Variants in SGCZ observed in about 807,000 individuals in gnomAD.
The protein encoded by SGCZ is zeta-sarcoglycan.
SGCZ carries 40 observed loss-of-function variants against 41.3 expected under a neutral mutation model. The ratio of observed to expected loss-of-function variants is 0.97; its 90% CI spans 0.75 to 1.26. SGCZ has a LOEUF of 1.26. Ranked by LOEUF, SGCZ falls within the 50% of genes most tolerant of loss-of-function variation. SGCZ has a pLI of 0.00. For missense variants in SGCZ, 552 were observed against 369.8 expected (o/e 1.49, Z -4.04); for synonymous variants, 206 against 137.5 (o/e 1.50, Z -3.49).
intron 1 of SGCZ, among the ~76,000 whole-genome samples, chr8:14,971,427 C>A (rs1211684032): frequency 6.6e-6 from 1 of 151,990 alleles, no homozygotes; most frequent in Non-Finnish European, 1.5e-5. Flanking sequence ...TGTTCTCTAT[C>A]ATTTTGAGAA....
In SGCZ at chr8:14,701,761, T is replaced by A. The variant is rs569372016; in HGVS notation, c.40-146835A>T. On this transcript the variant is annotated intron_variant, in intron 1 of 7. Transcript: ENST00000382080. The stretch of plus-strand genomic sequence containing the variant: ...TCAGGTCTGCCACCTCCTGACCTCT[T>A]ACCAAACCCCCTGCCTCCTTCCTAC... Among the ~76,000 whole-genome samples, 126 of 151,964 alleles carry A rather than the reference T, an allele frequency of 8.3e-4. 1 individual carries two copies. Among genetic ancestry groups the A allele is most frequent in the African/African-American group, 2.9e-3 (121 of 41,490 alleles).
At chr8:14,133,716 T>C (rs1803111053) in intron 5 of SGCZ, among the ~76,000 whole-genome samples, 1 of 152,256 alleles carries the variant, frequency 6.6e-6, no homozygotes, top group Non-Finnish European at 1.5e-5. Context: ...ACTCTTTTTC[T>C]GAGTTTTGAC....
rs17609493 is a variant in SGCZ at position 15,142,104 on chromosome 8, G to A, written c.39+95481C>T. On this transcript the variant is annotated intron_variant, in intron 1 of 7. Transcript: ENST00000382080. ...AGAGGACCTTGATGCTGAAGTTGGA[G>A]TTGAGCATCCCACTGAAATGGACAT... Among the ~76,000 whole-genome samples, 1,309 of 152,256 alleles carry A rather than the reference G, an allele frequency of 8.6e-3. 71 individuals are homozygous for A. The East Asian group carries it at 0.15, about 17-fold the overall frequency.
chr8:14,774,160 A>C (rs1800331790), intron 1 of SGCZ, among the ~76,000 whole-genome samples: 1 of 152,174 alleles, frequency 6.6e-6, no homozygotes, highest in African/African-American at 2.4e-5. Context: ...AATTAGTCTA[A>C]GGCTTGAATA....
At chr8:14,506,596 C>A (rs925457063) in intron 2 of SGCZ, among the ~76,000 whole-genome samples, 4 of 152,144 alleles carry the variant, frequency 2.6e-5, no homozygotes, top group Non-Finnish European at 2.9e-5. Flanking sequence ...AAAACCTTGA[C>A]AAAATTTTCT....
At chr8:14,866,742 C>T (rs2098514328) in intron 1 of SGCZ, among the ~76,000 whole-genome samples, 1 of 151,964 alleles carries the variant, frequency 6.6e-6, no homozygotes, top group South Asian at 2.1e-4. Context: ...ACCCAGAAGA[C>T]TTGATCTCAC....
chr8:14,457,828 T>C (rs976850866), intron 2 of SGCZ, among the ~76,000 whole-genome samples: 5 of 152,172 alleles, frequency 3.3e-5, no homozygotes, highest in Non-Finnish European at 7.3e-5. Context: ...CCTTCTGCCT[T>C]GTATCCAATA....
At chr8:14,232,206 CAAATG>C (rs1806597393) in intron 4 of SGCZ, among the ~76,000 whole-genome samples, 1 of 151,720 alleles carries the variant, frequency 6.6e-6, no homozygotes, top group Non-Finnish European at 1.5e-5. Flanking sequence ...CTGAGAAGTG[CAAATG>C]AACAATCTTG....
In SGCZ at chr8:14,629,669, G is replaced by A. The variant is rs184081513; in HGVS notation, c.40-74743C>T. Among the ~76,000 whole-genome samples the A allele has an allele frequency of 3.4e-3, 510 of 152,226 alleles. 4 individuals are homozygous for A. Among genetic ancestry groups the A allele is most frequent in the South Asian group, 5.8e-3 (28 of 4,820 alleles). ...ACATCCATGGTATTTGTCCAAAGGT[G>A]AATCCTTGTCTATGGAATGCTTTCA... is the stretch of plus-strand genomic sequence containing the variant. On this transcript the variant is annotated intron_variant, in intron 1 of 7. Coordinates refer to ENST00000382080, the MANE Select transcript of SGCZ (RefSeq NM_139167.4).
At chr8:14,122,059 C>T (rs1482212147) in intron 5 of SGCZ, among the ~76,000 whole-genome samples, 1 of 151,976 alleles carries the variant, frequency 6.6e-6, no homozygotes, top group Admixed American at 6.6e-5. Context: ...CGGGCAGATC[C>T]CAAGGTCAGG....
At chr8:14,581,412 C>T (rs186710738) in intron 1 of SGCZ, among the ~76,000 whole-genome samples, 51 of 152,132 alleles carry the variant, frequency 3.4e-4, no homozygotes, top group African/African-American at 1.1e-3. Flanking sequence ...CTGCGCCCGG[C>T]CTTTGCTTAC....
intron 4 of SGCZ, among the ~76,000 whole-genome samples, chr8:14,231,638 C>G (rs1806575922): frequency 6.6e-6 from 1 of 152,012 alleles, no homozygotes; most frequent in Non-Finnish European, 1.5e-5. Flanking sequence ...ACATAACTAC[C>G]CTTTTTGTTA....
At chr8:14,338,107 G>A (rs1249810507) in intron 2 of SGCZ, among the ~76,000 whole-genome samples, 1 of 152,194 alleles carries the variant, frequency 6.6e-6, no homozygotes, top group African/African-American at 2.4e-5. Context: ...AAGAAGTCAA[G>A]ATTCCTTGCC....
intron 1 of SGCZ, among the ~76,000 whole-genome samples, chr8:14,962,919 C>T (rs1029762732): frequency 3.9e-5 from 6 of 152,146 alleles, no homozygotes; most frequent in Non-Finnish European, 8.8e-5. Flanking sequence ...TATTAAATGT[C>T]ACTGGCAACA....
chr8:14,303,387 A>C (rs894180611), intron 3 of SGCZ, among the ~76,000 whole-genome samples: 1 of 152,162 alleles, frequency 6.6e-6, no homozygotes, highest in Non-Finnish European at 1.5e-5. Flanking sequence ...TTAAATATCA[A>C]GATAATAAAT....
At chr8:15,153,142 A>C (rs573447631) in intron 1 of SGCZ, among the ~76,000 whole-genome samples, 120 of 152,326 alleles carry the variant, frequency 7.9e-4, no homozygotes, top group Middle Eastern at 3.4e-3. Flanking sequence ...TATAATTAGT[A>C]CAATTTTAGA....
intron 1 of SGCZ, among the ~76,000 whole-genome samples, chr8:15,111,487 G>T (rs57540415): frequency 0.36 from 54,521 of 151,908 alleles, 10,020 homozygotes; most frequent in African/African-American, 0.39. Flanking sequence ...ACACATTTAG[G>T]GGGTAGCCAA....
intron 1 of SGCZ, among the ~76,000 whole-genome samples, chr8:14,845,591 C>T (rs906479997): frequency 2.0e-5 from 3 of 152,214 alleles, no homozygotes; most frequent in Admixed American, 1.3e-4. Context: ...CGAATACAGT[C>T]ATTTTAACTT....
rs1489017172 is a variant in SGCZ at position 14,211,823 on chromosome 8, C to T, written c.424+25769G>A. Among the ~76,000 whole-genome samples the T allele has an allele frequency of 3.3e-5, 5 of 152,240 alleles. No individual in the cohort carries two copies. In the East Asian group the frequency reaches 7.8e-4, roughly 24 times the overall value. ...TCAACATGAGATTTGGGTGGGGACACAAATCCAAATCATATCAGATTTGTT... is the reference window on the plus strand; with the variant it reads ...TCAACATGAGATTTGGGTGGGGACATAAATCCAAATCATATCAGATTTGTT... On this transcript the variant is annotated intron_variant, in intron 4 of 7. Coordinates refer to ENST00000382080, the MANE Select transcript of SGCZ (RefSeq NM_139167.4).
Sources: allele counts gnomAD v4.1 joint callset (sites outside exome capture counted in the v4.1 genomes callset), GRCh38; gene constraint gnomAD v4.1.1; transcripts MANE v1.5; gene names NCBI Gene and HGNC (gene_info 2026-07-23, HGNC 2026-07-21).